Variants in AUTS2 observed in about 807,000 individuals in gnomAD.
The protein encoded by AUTS2 is activator of transcription and developmental regulator AUTS2.
A neutral mutation model predicts 112.4 loss-of-function variants in AUTS2; 17 were observed. That is an observed-to-expected ratio of 0.15 (90% CI 0.10 to 0.23). The LOEUF is 0.23. AUTS2 is among the 10% of genes least tolerant of loss of function. The pLI is 1.00. For synonymous variants in AUTS2, 751 were observed against 702.7 expected (o/e 1.07, Z -1.09); for missense variants, 1,510 against 1,701.6 (o/e 0.89, Z 1.98).
At chr7:70,227,905 C>T (rs1811850016) in intron 4 of AUTS2, among the ~76,000 whole-genome samples, 1 of 151,998 alleles carries the variant, frequency 6.6e-6, no homozygotes, top group African/African-American at 2.4e-5. Flanking sequence ...GTACTATACT[C>T]ATTTGGGGTG....
chr7:70,776,340 A>G (rs7800714), intron 13 of AUTS2, among the ~76,000 whole-genome samples: 2,950 of 152,282 alleles, frequency 0.019, 95 homozygotes, highest in African/African-American at 0.063. Context: ...TGACTGGTAG[A>G]AGAGAATACA....
chr7:69,891,933 C>T (rs1196703588), intron 1 of AUTS2, among the ~76,000 whole-genome samples: 1 of 147,612 alleles, frequency 6.8e-6, no homozygotes, highest in Non-Finnish European at 1.5e-5. Context: ...GCTGGGATTA[C>T]AGGTGCATGC....
At chr7:69,755,665 C>G (rs150568125) in intron 1 of AUTS2, among the ~76,000 whole-genome samples, 1 of 152,254 alleles carries the variant, frequency 6.6e-6, no homozygotes, top group African/African-American at 2.4e-5. Flanking sequence ...TGTTCCTTAT[C>G]TATCAGTCTC....
chr7:69,899,175 A>G, intron 1 of AUTS2, 111 bp from the exon 2 acceptor site: 1 of 765,144 alleles, frequency 1.3e-6, no homozygotes, highest in Non-Finnish European at 2.2e-6. Context: ...CCACTTTCCT[A>G]TCCCTCTCCC....
intron 1 of AUTS2, among the ~76,000 whole-genome samples, chr7:69,637,873 T>C (rs1398135681): frequency 6.6e-6 from 1 of 152,178 alleles, no homozygotes; most frequent in Non-Finnish European, 1.5e-5. Flanking sequence ...ATGCTGCTCA[T>C]GATTGTATTT....
chr7:70,378,617 A>G (rs1474245820), intron 4 of AUTS2, among the ~76,000 whole-genome samples: 1 of 152,248 alleles, frequency 6.6e-6, no homozygotes, highest in African/African-American at 2.4e-5. Flanking sequence ...AGTATGTGGC[A>G]GACAGGGTTC....
intron 4 of AUTS2, among the ~76,000 whole-genome samples, chr7:70,157,138 A>C (rs1439559088): frequency 6.6e-6 from 1 of 151,150 alleles, no homozygotes; most frequent in Non-Finnish European, 1.5e-5. Flanking sequence ...ATTTTTCTAT[A>C]ATTTTCTAAG....
chr7:70,644,847 C>T (rs1414623277), intron 5 of AUTS2, among the ~76,000 whole-genome samples: 5 of 152,134 alleles, frequency 3.3e-5, no homozygotes, highest in Non-Finnish European at 7.3e-5. Flanking sequence ...ACTCTGTAGT[C>T]CAGCAAATGC....
At chr7:70,672,960 A>G (rs528992310) in intron 5 of AUTS2, among the ~76,000 whole-genome samples, 8 of 152,334 alleles carry the variant, frequency 5.3e-5, no homozygotes, top group African/African-American at 1.7e-4. Flanking sequence ...ACCCTACTAC[A>G]GCATTCATAG....
chr7:70,034,975 T>A (rs1392789970), intron 2 of AUTS2, among the ~76,000 whole-genome samples: 1 of 152,040 alleles, frequency 6.6e-6, no homozygotes, highest in African/African-American at 2.4e-5. Context: ...GGGACTATAG[T>A]CACGTGCCAT....
At chr7:70,399,691 A>G (rs987393425) in intron 4 of AUTS2, among the ~76,000 whole-genome samples, 3 of 152,178 alleles carry the variant, frequency 2.0e-5, no homozygotes, top group Non-Finnish European at 2.9e-5. Context: ...TTCATAGTTC[A>G]GCAATGAAGG....
chr7:69,710,860 T>A (rs1486690941), intron 1 of AUTS2, among the ~76,000 whole-genome samples: 1 of 152,198 alleles, frequency 6.6e-6, no homozygotes. Flanking sequence ...ATTTAGGAGT[T>A]GTTAAGCTGT....
At chr7:70,708,907 T>C (rs1183592553) in intron 6 of AUTS2, among the ~76,000 whole-genome samples, 2 of 149,346 alleles carry the variant, frequency 1.3e-5, no homozygotes, top group Non-Finnish European at 2.9e-5. Flanking sequence ...TAGATTTTAT[T>C]GTTTAAATAC....
At chr7:70,019,084 A>G (rs547258723) in intron 2 of AUTS2, among the ~76,000 whole-genome samples, 4 of 152,334 alleles carry the variant, frequency 2.6e-5, no homozygotes, top group African/African-American at 7.2e-5. Flanking sequence ...TGCAGCCACA[A>G]AAAAGAATGA....
chr7:70,053,451 C>T (rs1388420470), intron 2 of AUTS2, among the ~76,000 whole-genome samples: 3 of 152,076 alleles, frequency 2.0e-5, no homozygotes, highest in Admixed American at 6.6e-5. Context: ...AAATCCAAAC[C>T]AAAATAGTAC....
At chr7:70,769,845 A>G (rs1246475207) in intron 10 of AUTS2, among the ~76,000 whole-genome samples, 9 of 152,162 alleles carry the variant, frequency 5.9e-5, no homozygotes. Context: ...AGGTGTATGT[A>G]TTATTACTTA....
At chr7:69,745,309 A>G (rs540509861) in intron 1 of AUTS2, among the ~76,000 whole-genome samples, 3 of 152,214 alleles carry the variant, frequency 2.0e-5, no homozygotes, top group African/African-American at 7.2e-5. Context: ...AGATAGGTAC[A>G]TTCAAACTCA....
chr7:69,914,631 G>T (rs1457996599), intron 2 of AUTS2, among the ~76,000 whole-genome samples: 1 of 151,582 alleles, frequency 6.6e-6, no homozygotes, highest in East Asian at 2.0e-4. Flanking sequence ...AGGAAAAGCT[G>T]ACCTAGGAAA....
At chr7:69,963,852 T>C (rs1435126705) in intron 2 of AUTS2, among the ~76,000 whole-genome samples, 1 of 152,152 alleles carries the variant, frequency 6.6e-6, no homozygotes, top group Non-Finnish European at 1.5e-5. Context: ...CACTGAGTGA[T>C]GCATTGTACT....
Sources: gnomAD v4.1 joint callset for allele counts (sites outside exome capture counted in the v4.1 genomes callset) on GRCh38, gnomAD v4.1.1 for gene constraint, MANE v1.5 for transcripts, NCBI Gene and HGNC (gene_info 2026-07-23, HGNC 2026-07-21) for gene names.